The following ONECUT3 variants were observed in gnomAD, a reference collection of about 807,000 sequenced individuals.
The protein encoded by ONECUT3 is one cut domain family member 3.
ONECUT3 carries 11 observed loss-of-function variants against 16.8 expected under a neutral mutation model. The ratio of observed to expected loss-of-function variants is 0.66; its 90% CI spans 0.41 to 1.09. The LOEUF is 1.09. Among genes scored for constraint, ONECUT3 ranks in the 50% least tolerant of loss-of-function variants. The pLI, the probability that ONECUT3 is intolerant of heterozygous loss-of-function variation, is 0.00. For missense variants in ONECUT3, 637 were observed against 629.9 expected (o/e 1.01, Z -0.12); for synonymous variants, 344 against 310.7 (o/e 1.11, Z -1.13).
At position 1,766,489 on chromosome 19, in the gene ONECUT3, A is replaced by G. The variant is rs2067990990; in HGVS notation, c.1193-8664A>G. Among the ~76,000 whole-genome samples the G allele has an allele frequency of 6.8e-6, 1 of 147,680 alleles. No homozygotes were observed. Among genetic ancestry groups the G allele is most frequent in the Non-Finnish European group, 1.5e-5 (1 of 66,864 alleles). ...GAGAGGGAAGGAAGGGAAGTGAGGG[A>G]AGGAAGGGGAAGAGGGGAGGGAGGT... On this transcript the variant is annotated intron_variant, in intron 1 of 1. Coordinates refer to ENST00000382349, the MANE Select transcript of ONECUT3 (RefSeq NM_001080488.2). This position sits in a 1 kb window ranked among gnomAD's most constrained non-coding sequence, Gnocchi z 4.0.
chr19:1,773,816 G>T (rs796847773), intron 1 of ONECUT3, among the ~76,000 whole-genome samples: 2 of 152,148 alleles, frequency 1.3e-5, no homozygotes, highest in South Asian at 2.1e-4. Flanking sequence ...AGCTCCTAGT[G>T]GGGGAAGCCT....
chr19:1,758,139 A>C lies in ONECUT3; in HGVS notation c.1192+3285A>C, dbSNP rs1374227320. 6.6e-6 allele frequency among the ~76,000 whole-genome samples: 1 copy of C among 151,738 alleles called. No individual in the cohort carries two copies. The highest frequency in any genetic ancestry group is 1.5e-5 in the Non-Finnish European group (1 of 67,930). On this transcript the variant is annotated intron_variant, in intron 1 of 1. Coordinates refer to ENST00000382349, the MANE Select transcript of ONECUT3 (RefSeq NM_001080488.2). This position sits in a 1 kb window ranked among gnomAD's most constrained non-coding sequence, Gnocchi z 5.9. Reference sequence around the variant, plus strand: ...GACCCGCAGGTGCAGACGGAGAGGGAGGGGGAGACGGGGAGATGGAGAGAG... The same window carrying C: ...GACCCGCAGGTGCAGACGGAGAGGGCGGGGGAGACGGGGAGATGGAGAGAG...
chr19:1,775,461 C>T lies in ONECUT3; in HGVS notation c.*16C>T. 6 of 1,451,392 alleles carry T rather than the reference C, an allele frequency of 4.1e-6. No individual in the cohort carries two copies. Among genetic ancestry groups the T allele is most frequent in the Non-Finnish European group, 5.4e-6 (6 of 1,109,154 alleles). The allele number at this position is 1,451,392 out of a possible 1,614,324, so 89.9% of individuals were successfully genotyped here. A position where few individuals can be genotyped will look rare whatever the true frequency, so the allele number is the denominator to read the frequency against. On this transcript the variant is annotated 3_prime_UTR_variant, in exon 2 of 2. Transcript: ENST00000382349. Reference sequence around the variant, plus strand: ...CAAGGCCTGAGGCGCCCCGGCCCCGCGCCCTCCCTGCCTCCACGGCCTGGG... The same window carrying T: ...CAAGGCCTGAGGCGCCCCGGCCCCGTGCCCTCCCTGCCTCCACGGCCTGGG...
chr19:1,773,332 C>T (rs1261841357), intron 1 of ONECUT3, among the ~76,000 whole-genome samples: 2 of 152,012 alleles, frequency 1.3e-5, no homozygotes, highest in Non-Finnish European at 2.9e-5. Flanking sequence ...CAGTAACCCA[C>T]AGGCATCACT....
intron 1 of ONECUT3, among the ~76,000 whole-genome samples, chr19:1,757,031 A>G (rs1009287542): frequency 6.6e-6 from 1 of 152,090 alleles, no homozygotes; most frequent in Admixed American, 6.5e-5. Flanking sequence ...CACGTTATGT[A>G]ACTAATGACC....
rs1331858647 is a variant in ONECUT3 at position 1,764,899 on chromosome 19, G to A, written c.1192+10045G>A. ...GGGCAGCTGGTGGCGGGGACAGGACGCGTCGCCAAGGAAACCGGTCATCAT... is the reference window on the plus strand; with the variant it reads ...GGGCAGCTGGTGGCGGGGACAGGACACGTCGCCAAGGAAACCGGTCATCAT... On this transcript the variant is annotated intron_variant, in intron 1 of 1. Coordinates refer to ENST00000382349, the MANE Select transcript of ONECUT3 (RefSeq NM_001080488.2). The surrounding 1 kb of genome is among the most constrained non-coding windows in gnomAD (Gnocchi z 5.0). Among the ~76,000 whole-genome samples the A allele has an allele frequency of 6.6e-6, 1 of 152,170 alleles. No homozygotes were observed. Among genetic ancestry groups the A allele is most frequent in the East Asian group, 1.9e-4 (1 of 5,172 alleles).
At chr19:1,757,220 C>T (rs148452796) in intron 1 of ONECUT3, among the ~76,000 whole-genome samples, 3,226 of 152,340 alleles carry the variant, frequency 0.021, 49 homozygotes, top group Non-Finnish European at 0.034. Context: ...GCACCTGACC[C>T]TGCACCCAGG....
rs1180665528 is a variant in ONECUT3 at position 1,755,791 on chromosome 19, C to T, written c.1192+937C>T. 6.6e-6 allele frequency among the ~76,000 whole-genome samples: 1 copy of T among 152,218 alleles called. No homozygotes were observed. Among genetic ancestry groups the T allele is most frequent in the Non-Finnish European group, 1.5e-5 (1 of 68,028 alleles). On this transcript the variant is annotated intron_variant, in intron 1 of 1. Transcript: ENST00000382349. This position sits in a 1 kb window ranked among gnomAD's most constrained non-coding sequence, Gnocchi z 7.5. Reference sequence around the variant, plus strand: ...TACTCAGCCACCGGCCCCCTGGGGACCCTCCTCCCTCCTCCCTCCCAGCTG... The same window carrying T: ...TACTCAGCCACCGGCCCCCTGGGGATCCTCCTCCCTCCTCCCTCCCAGCTG...
intron 1 of ONECUT3, among the ~76,000 whole-genome samples, chr19:1,768,970 A>AATGGAGGTGGAAGTGGAGGTGGAGGTG (rs2068023763): frequency 1.5e-5 from 1 of 65,800 alleles, no homozygotes; most frequent in Non-Finnish European, 3.2e-5. Context: ...AGGTGGAGGT[A>AATGGAGGTGGAAGTGGAGGTGGAGGTG]ATGGAGGTGG....
chr19:1,757,732 A>C (rs4807139), intron 1 of ONECUT3, among the ~76,000 whole-genome samples: 44,686 of 152,188 alleles, frequency 0.29, 7,242 homozygotes, highest in East Asian at 0.4. Flanking sequence ...CCAGGCCTTT[A>C]GTTCCGGTCG....
At chr19:1,763,957 G>A (rs2145961217) in intron 1 of ONECUT3, among the ~76,000 whole-genome samples, 1 of 152,152 alleles carries the variant, frequency 6.6e-6, no homozygotes, top group Admixed American at 6.5e-5. Flanking sequence ...AATACGTCCG[G>A]GGCGGATCAT....
intron 1 of ONECUT3, among the ~76,000 whole-genome samples, chr19:1,765,687 C>T (rs368524169): frequency 1.4e-4 from 21 of 152,158 alleles, no homozygotes; most frequent in African/African-American, 2.9e-4. Context: ...GACTGCGGCC[C>T]GGTGGGGACA....
intron 1 of ONECUT3, among the ~76,000 whole-genome samples, chr19:1,769,629 G>C (rs2068035038): frequency 6.6e-6 from 1 of 152,060 alleles, no homozygotes; most frequent in Admixed American, 6.6e-5. Flanking sequence ...GGGTCAGGTG[G>C]CGGTGGTGAT....
At position 1,777,348 on chromosome 19, in the gene ONECUT3, G is replaced by A. The variant is rs115591342; in HGVS notation, c.*1903G>A. 0.016 allele frequency: 2,446 copies of A among 151,346 alleles called. 79 individuals carry two copies. The highest frequency in any genetic ancestry group is 0.056 in the African/African-American group (2,306 of 41,304). The allele number at this position is 151,346 out of a possible 1,614,324, so 9.4% of individuals were successfully genotyped here. On this transcript the variant is annotated 3_prime_UTR_variant, in exon 2 of 2. Transcript: ENST00000382349. ...CACACATGCAGGCACTCACATGCAGGCCCATGCACACACACGTGCACACAC... is the reference window on the plus strand; with the variant it reads ...CACACATGCAGGCACTCACATGCAGACCCATGCACACACACGTGCACACAC...
At chr19:1,765,619 G>A (rs2067980027) in intron 1 of ONECUT3, among the ~76,000 whole-genome samples, 1 of 152,220 alleles carries the variant, frequency 6.6e-6, no homozygotes, top group Admixed American at 6.5e-5. Flanking sequence ...CCTGAATGGT[G>A]AATGGATGAG....
chr19:1,775,824 A>C lies in ONECUT3; in HGVS notation c.*379A>C. On this transcript the variant is annotated 3_prime_UTR_variant, in exon 2 of 2. Coordinates refer to ENST00000382349, the MANE Select transcript of ONECUT3 (RefSeq NM_001080488.2). ...CAAGAAGCACATACTAGAAATATAA[A>C]CCGGGTATTTAAAAATGGAATTTTA... 9 of 158,206 alleles carry C rather than the reference A, an allele frequency of 5.7e-5. No homozygotes were observed. Among genetic ancestry groups the C allele is most frequent in the East Asian group, 1.8e-4 (1 of 5,406 alleles). 9.8% of individuals were successfully genotyped at this position (158,206 alleles called of 1,614,324 possible).
At chr19:1,769,144 C>G (rs1197529830) in intron 1 of ONECUT3, among the ~76,000 whole-genome samples, 3 of 51,040 alleles carry the variant, frequency 5.9e-5, no homozygotes, top group Non-Finnish European at 7.9e-5. Context: ...AGGTGGAGGT[C>G]GTGGCGGTGG....
chr19:1,765,684 G>A (rs73919414), intron 1 of ONECUT3, among the ~76,000 whole-genome samples: 2,492 of 152,296 alleles, frequency 0.016, 73 homozygotes, highest in African/African-American at 0.056. Flanking sequence ...CGGGACTGCG[G>A]CCCGGTGGGG....
chr19:1,758,262 C>G lies in ONECUT3; in HGVS notation c.1192+3408C>G, dbSNP rs569455551. ...AGAGAAAAAGAAGCCCAGAAAGGAA[C>G]AGAGGTGAAGGAGAGACGAAAAGAG... On this transcript the variant is annotated intron_variant, in intron 1 of 1. Coordinates refer to ENST00000382349, the MANE Select transcript of ONECUT3 (RefSeq NM_001080488.2). This position sits in a 1 kb window ranked among gnomAD's most constrained non-coding sequence, Gnocchi z 5.9. Among the ~76,000 whole-genome samples the G allele has an allele frequency of 1.5e-5, 2 of 136,278 alleles. No homozygotes were observed. The highest frequency in any genetic ancestry group is 2.2e-4 in the East Asian group (1 of 4,636). The allele number at this position is 136,278 out of a possible 152,430, so 89.4% of individuals were successfully genotyped here.
Sources: gnomAD v4.1 joint callset for allele counts (sites outside exome capture counted in the v4.1 genomes callset) on GRCh38, gnomAD v4.1.1 for gene constraint, Gnocchi (gnomAD v3.1) non-coding constraint, MANE v1.5 for transcripts, NCBI Gene and HGNC (gene_info 2026-07-23, HGNC 2026-07-21) for gene names.